The following DOCK9 variants were observed in gnomAD, a reference collection of about 807,000 sequenced individuals.
The protein encoded by DOCK9 is dedicator of cytokinesis protein 9.
A neutral mutation model predicts 263.3 loss-of-function variants in DOCK9; 89 were observed. The ratio of observed to expected loss-of-function variants is 0.34; its 90% confidence interval spans 0.28 to 0.40. The LOEUF (loss-of-function observed/expected upper bound fraction) is 0.40, where lower values mean the gene tolerates loss of function less well. DOCK9 is among the 10% of genes least tolerant of loss of function. The probability of loss-of-function intolerance (pLI) is 1.00; values close to 1 mark genes in which losing one functional copy is unlikely to be tolerated. For missense variants in DOCK9, 2,140 were observed against 2,603.4 expected (o/e 0.82, Z 3.87); for synonymous variants, 976 against 973.1 (o/e 1.00, Z -0.06).
At chr13:98,831,891 T>C (rs2092777891) in intron 39 of DOCK9, 105 bp from the exon 40 acceptor site, 4 of 1,380,874 alleles carry the variant, frequency 2.9e-6, no homozygotes, top group Non-Finnish European at 3.9e-6. Context: ...TAAGACAACT[T>C]ATACTTTAAA....
chr13:98,900,219 G>A (rs1307138649), intron 13 of DOCK9, among the ~76,000 whole-genome samples: 1 of 152,234 alleles, frequency 6.6e-6, no homozygotes, highest in Non-Finnish European at 1.5e-5. Context: ...ACATGGAGGA[G>A]TGTGCAGAGG....
intron 45 of DOCK9, among the ~76,000 whole-genome samples, chr13:98,813,115 C>A (rs989790645): frequency 3.3e-4 from 51 of 152,284 alleles, no homozygotes; most frequent in African/African-American, 1.2e-3. Context: ...TGTGATCTTG[C>A]TAAATGGACT....
chr13:99,048,445 T>C (rs1273445696), intron 1 of DOCK9, among the ~76,000 whole-genome samples: 1 of 152,224 alleles, frequency 6.6e-6, no homozygotes, highest in Non-Finnish European at 1.5e-5. Context: ...TGTTCATCAG[T>C]GTTCATTAAC....
chr13:99,036,991 A>T (rs1260220386), intron 1 of DOCK9, among the ~76,000 whole-genome samples: 2 of 152,328 alleles, frequency 1.3e-5, no homozygotes, highest in Admixed American at 6.5e-5. Flanking sequence ...AGAATAAGAT[A>T]CAGTTTCTGC....
chr13:98,947,565 A>G (rs2140784673), intron 2 of DOCK9, among the ~76,000 whole-genome samples: 1 of 135,690 alleles, frequency 7.4e-6, no homozygotes, highest in South Asian at 2.3e-4. Flanking sequence ...CTGGGGTTGC[A>G]GTGGCACAAT....
chr13:98,831,474 C>G lies in DOCK9; in HGVS notation c.4509G>C (p.Glu1503Asp), dbSNP rs1218450642. 1 of 1,593,934 alleles carries G rather than the reference C, an allele frequency of 6.3e-7. No individual in the cohort carries two copies. The highest frequency in any genetic ancestry group is 8.5e-7 in the Non-Finnish European group (1 of 1,169,804). Residue 1503 changes from glutamate (E) to aspartate (D), a missense_variant, in exon 41 of 53, where the codon GAG (glutamate) becomes GAC (aspartate). Coordinates refer to ENST00000682017, the MANE Select transcript of DOCK9 (RefSeq NM_001366683.2). ...GCTTGGAGTTACAGCACTTGAGAAT[C>G]TCGTAACACAGAGCCGCACACATGT... The part of the protein sequence containing the change: ...RADMCAALCY[E>D]ILKCCNSKLS...
At chr13:98,924,962 C>T (rs9517485) in intron 4 of DOCK9, among the ~76,000 whole-genome samples, 96,174 of 151,638 alleles carry the variant, frequency 0.63, 31,175 homozygotes, top group Middle Eastern at 0.76. Context: ...TTCAGGAGTT[C>T]GAGACCAGCC....
chr13:98,970,427 C>T (rs1443994323), intron 1 of DOCK9, among the ~76,000 whole-genome samples: 1 of 152,266 alleles, frequency 6.6e-6, no homozygotes, highest in Non-Finnish European at 1.5e-5. Context: ...AGGGCAGCCA[C>T]TGCTACTACC....
At chr13:98,904,012 G>C (rs2048726534) in intron 10 of DOCK9, among the ~76,000 whole-genome samples, 2 of 152,196 alleles carry the variant, frequency 1.3e-5, no homozygotes. Flanking sequence ...AAGTTTCCGT[G>C]TGGGAAAATG....
intron 13 of DOCK9, among the ~76,000 whole-genome samples, chr13:98,899,896 A>T (rs942170373): frequency 2.0e-5 from 3 of 152,046 alleles, no homozygotes; most frequent in Non-Finnish European, 2.9e-5. Flanking sequence ...TCTTTTTAAA[A>T]CCTCTATTCA....
intron 2 of DOCK9, chr13:98,950,064 T>C (rs1370759848): frequency 4.4e-6 from 2 of 455,590 alleles, no homozygotes; most frequent in Non-Finnish European, 8.2e-6. Context: ...ATAAGCAACA[T>C]TTTAGGCTCT....
At chr13:99,026,399 C>T (rs1239579188) in intron 1 of DOCK9, among the ~76,000 whole-genome samples, 7 of 152,206 alleles carry the variant, frequency 4.6e-5, no homozygotes, top group Non-Finnish European at 1.0e-4. Flanking sequence ...CTTTCCAAAA[C>T]ATATCACTAC....
chr13:98,802,857 G>A (rs896925991), intron 49 of DOCK9, among the ~76,000 whole-genome samples: 3 of 152,176 alleles, frequency 2.0e-5, no homozygotes, highest in African/African-American at 7.2e-5. Flanking sequence ...AAACCCTCAG[G>A]TCTAGCCTTC....
At chr13:98,988,940 C>T (rs372044734) in intron 1 of DOCK9, among the ~76,000 whole-genome samples, 3 of 152,158 alleles carry the variant, frequency 2.0e-5, no homozygotes, top group African/African-American at 7.2e-5. Context: ...ATGTGCTGAA[C>T]GGCAACCACT....
rs575919174 is a variant in DOCK9 at position 98,951,393 on chromosome 13, T to C, written c.243+4042A>G. The stretch of plus-strand genomic sequence containing the variant: ...AATAACCTAATGCTTGTAAAAATTT[T>C]ACTATTAGTAAGGTAAGCAATGGGT... On this transcript the variant is annotated intron_variant, in intron 2 of 52. Coordinates refer to ENST00000682017, the MANE Select transcript of DOCK9 (RefSeq NM_001366683.2). 7.9e-5 allele frequency among the ~76,000 whole-genome samples: 12 copies of C among 152,374 alleles called. No homozygotes were observed. In the South Asian group the frequency reaches 2.5e-3, roughly 32 times the overall value.
intron 37 of DOCK9, among the ~76,000 whole-genome samples, chr13:98,848,039 T>C (rs1375416242): frequency 6.6e-6 from 1 of 152,224 alleles, no homozygotes; most frequent in South Asian, 2.1e-4. Flanking sequence ...GCCAAGAACA[T>C]GGAGCGTTTA....
At chr13:98,986,361 G>A (rs1878442668) in intron 1 of DOCK9, among the ~76,000 whole-genome samples, 1 of 152,246 alleles carries the variant, frequency 6.6e-6, no homozygotes, top group Non-Finnish European at 1.5e-5. Flanking sequence ...ATCGGGGGTG[G>A]AGGGGACAGG....
chr13:99,002,880 T>A (rs1352528952), intron 1 of DOCK9, among the ~76,000 whole-genome samples: 1 of 152,226 alleles, frequency 6.6e-6, no homozygotes, highest in South Asian at 2.1e-4. Flanking sequence ...CTTTTCTTTG[T>A]TCCTTGGCTT....
chr13:99,004,684 G>A lies in DOCK9; in HGVS notation c.130-49133C>T, dbSNP rs75598157. 5.6e-3 allele frequency among the ~76,000 whole-genome samples: 856 copies of A among 152,104 alleles called. 5 individuals carry two copies. The highest frequency in any genetic ancestry group is 0.01 in the Middle Eastern group (3 of 294). On this transcript the variant is annotated intron_variant, in intron 1 of 32. Transcript: ENST00000427887. Reference sequence around the variant, plus strand: ...CAGAGAAACAAATGCTGATTGAAACGTATCCTAGGATGAGGTCATTCATTG... The same window carrying A: ...CAGAGAAACAAATGCTGATTGAAACATATCCTAGGATGAGGTCATTCATTG...
Sources: gnomAD v4.1 joint callset for allele counts (sites outside exome capture counted in the v4.1 genomes callset) on GRCh38, gnomAD v4.1.1 for gene constraint, MANE v1.5 for transcripts, NCBI Gene and HGNC (gene_info 2026-07-23, HGNC 2026-07-21) for gene names.